Variants in A3GALT2 observed in about 807,000 individuals in gnomAD.
The protein encoded by A3GALT2 is alpha-1,3-galactosyltransferase 2.
Under a neutral mutation model 16.6 loss-of-function variants are expected in A3GALT2, and 14 were observed. The ratio of observed to expected loss-of-function variants is 0.84; its 90% CI spans 0.56 to 1.32. The LOEUF is 1.32. Ranked by LOEUF, A3GALT2 falls within the 40% of genes most tolerant of loss-of-function variation. A3GALT2 has a pLI of 0.00. For synonymous variants in A3GALT2, 253 were observed against 218.0 expected (o/e 1.16, Z -1.42); for missense variants, 600 against 490.9 (o/e 1.22, Z -2.10).
chr1:33,312,601 T>C lies in A3GALT2; in HGVS notation c.108-11A>G. 1.3e-6 allele frequency: 2 copies of C among 1,568,942 alleles called. No homozygotes were observed. Among genetic ancestry groups the C allele is most frequent in the South Asian group, 1.2e-5 (1 of 85,514 alleles). On this transcript the variant is annotated splice_polypyrimidine_tract_variant and intron_variant, in intron 2 of 4. Coordinates refer to ENST00000442999, the MANE Select transcript of A3GALT2 (RefSeq NM_001080438.1). ...AGGGCTTCCAGATGCCTGTGGTGGG[T>C]TGAGGGGCGGGGGGCAGGCAGCCGT...
intron 4 of A3GALT2, among the ~76,000 whole-genome samples, chr1:33,308,654 T>C (rs1646215305): frequency 6.6e-6 from 1 of 150,968 alleles, no homozygotes; most frequent in African/African-American, 2.4e-5. Context: ...GATCCTCCCG[T>C]CTCGGGCCTC....
chr1:33,312,811 AT>A lies in A3GALT2; in HGVS notation c.102del (p.Lys34AsnfsTer22). 6.3e-7 allele frequency: 1 copy of A among 1,599,546 alleles called. No individual in the cohort carries two copies. Among genetic ancestry groups the A allele is most frequent in the Non-Finnish European group, 8.5e-7 (1 of 1,172,936 alleles). ...LLGLFLYGLP[K>X]FRHLEALIPM... is the part of the protein sequence containing the mutation. Reference sequence around the variant, plus strand: ...GCTGGGGAAAGGGGCTTTTACCTGAATTTAGGGAGGCCATACAGAAACAGGC... The same window carrying A: ...GCTGGGGAAAGGGGCTTTTACCTGAATTAGGGAGGCCATACAGAAACAGGC... On this transcript the variant is annotated frameshift_variant, in exon 2 of 5. Transcript: ENST00000442999. LOFTEE classifies it high-confidence loss of function.
Position 33,307,591 on chromosome 1 carries a change from A to ACCCCCACTCCCACCCCACCCTCAC in A3GALT2, c.336-139_336-138insGTGAGGGTGGGGTGGGAGTGGGGG, listed in dbSNP as rs1646202648. On this transcript the variant is annotated intron_variant, in intron 4 of 4. Coordinates refer to ENST00000442999, the MANE Select transcript of A3GALT2 (RefSeq NM_001080438.1). ...TCACCCCCACTCCCACCCCACCCTCACCCCCACCTCATCCCACCCCTCCCA... is the reference window on the plus strand; with the variant it reads ...TCACCCCCACTCCCACCCCACCCTCACCCCCACTCCCACCCCACCCTCACCCCCCACCTCATCCCACCCCTCCCA... 12 of 248,548 alleles carry ACCCCCACTCCCACCCCACCCTCAC rather than the reference A, an allele frequency of 4.8e-5. No homozygotes were observed. In the African/African-American group the frequency reaches 9.6e-4, roughly 20 times the overall value. 15.4% of individuals were successfully genotyped at this position (248,548 alleles called of 1,614,324 possible). A position where few individuals can be genotyped will look rare whatever the true frequency, so the allele number is the denominator to read the frequency against.
intron 3 of A3GALT2, 23 bp from the exon 4 acceptor site, chr1:33,312,212 A>C: frequency 1.9e-6 from 3 of 1,611,900 alleles, no homozygotes; most frequent in Non-Finnish European, 8.5e-7. Context: ...GGGATGGGAA[A>C]TGGAAATAGC....
At chr1:33,318,008 A>G (rs1646269024) in intron 1 of A3GALT2, among the ~76,000 whole-genome samples, 1 of 152,204 alleles carries the variant, frequency 6.6e-6, no homozygotes. Flanking sequence ...GTAGATTTAT[A>G]TGTACTCTCT....
chr1:33,321,047 T>C (rs1646283686), intron 1 of A3GALT2, 29 bp downstream of exon 1: 12 of 1,612,808 alleles, frequency 7.4e-6, no homozygotes, highest in East Asian at 2.2e-5. Flanking sequence ...CCAAGCTTTC[T>C]TCCTCTCCAT....
chr1:33,310,362 G>C (rs1646227926), intron 4 of A3GALT2, among the ~76,000 whole-genome samples: 1 of 152,106 alleles, frequency 6.6e-6, no homozygotes, highest in South Asian at 2.1e-4. Flanking sequence ...GGGAGAGGAA[G>C]ACCGGGGAGA....
At position 33,306,994 on chromosome 1, in the gene A3GALT2, C is replaced by A; in HGVS notation, c.795G>T (p.Leu265=). 1 of 1,461,934 alleles carries A rather than the reference C, an allele frequency of 6.8e-7. No individual in the cohort carries two copies. Among genetic ancestry groups the A allele is most frequent in the Non-Finnish European group, 9.0e-7 (1 of 1,114,078 alleles). 90.6% of individuals were successfully genotyped at this position (1,461,934 alleles called of 1,614,324 possible). ...AAVFGGSVAA[L]RGLTAHCAGG... is the part of the protein sequence containing the mutation. The stretch of plus-strand genomic sequence containing the variant: ...CCGCACAGTGCGCCGTCAGCCCGCG[C>A]AGCGCCGCCACGCTGCCCCCGAACA... The change falls in exon 5 of 5, where the codon CTG becomes CTT. Residue 265 remains leucine (L), a synonymous_variant. Coordinates refer to ENST00000442999, the MANE Select transcript of A3GALT2 (RefSeq NM_001080438.1).
At chr1:33,309,916 G>A (rs1646225179) in intron 4 of A3GALT2, among the ~76,000 whole-genome samples, 3 of 152,262 alleles carry the variant, frequency 2.0e-5, no homozygotes, top group African/African-American at 7.2e-5. Context: ...GCCGGGCAGA[G>A]GCTGCAATCT....
intron 4 of A3GALT2, among the ~76,000 whole-genome samples, chr1:33,308,330 C>T (rs542146894): frequency 6.6e-6 from 1 of 151,888 alleles, no homozygotes; most frequent in South Asian, 2.1e-4. Flanking sequence ...CAGTTGGTCT[C>T]CCAGCTGAGA....
chr1:33,309,470 G>A (rs1188324286), intron 4 of A3GALT2, among the ~76,000 whole-genome samples: 13 of 152,084 alleles, frequency 8.5e-5, no homozygotes, highest in South Asian at 4.1e-4. Context: ...CGGATGGGGC[G>A]GCTGGCCGGG....
At chr1:33,313,294 A>G in intron 1 of A3GALT2, 1 of 139,406 alleles carries the variant, frequency 7.2e-6, no homozygotes, top group Non-Finnish European at 1.4e-5. Context: ...CTATCCTCCC[A>G]CCTCAGCCTC....
rs1279473042 is a variant in A3GALT2 at position 33,307,460 on chromosome 1, G to A, written c.336-7C>T. 1 of 1,488,254 alleles carries A rather than the reference G, an allele frequency of 6.7e-7. No individual in the cohort carries two copies. The highest frequency in any genetic ancestry group is 8.8e-7 in the Non-Finnish European group (1 of 1,129,958). The allele number at this position is 1,488,254 out of a possible 1,614,324, so 92.2% of individuals were successfully genotyped here. On this transcript the variant is annotated splice_region_variant and splice_polypyrimidine_tract_variant and intron_variant, in intron 4 of 4. Transcript: ENST00000442999. ...CAGGTACTTCTCCAGGTATCTAAGG[G>A]CGCGGCGCCACCGTCAGCCTGAGAG... is the stretch of plus-strand genomic sequence containing the variant.
At chr1:33,313,861 G>A (rs1469540254) in intron 1 of A3GALT2, 1 of 152,178 alleles carries the variant, frequency 6.6e-6, no homozygotes, top group Non-Finnish European at 1.5e-5. Context: ...TCCTGCCTTA[G>A]GGCTGTCATT....
At chr1:33,309,530 C>T (rs1646222298) in intron 4 of A3GALT2, among the ~76,000 whole-genome samples, 1 of 151,972 alleles carries the variant, frequency 6.6e-6, no homozygotes, top group African/African-American at 2.4e-5. Flanking sequence ...GGTGGAGACG[C>T]TCCTCACTTC....
intron 3 of A3GALT2, 110 bp downstream of exon 3, chr1:33,312,391 A>C: frequency 7.5e-7 from 1 of 1,324,628 alleles, no homozygotes; most frequent in Non-Finnish European, 1.0e-6. Flanking sequence ...ACTTGGTGGC[A>C]GAGTGCCTGG....
rs1646279026 is a variant in A3GALT2, at chr1:33,320,128, T to A, written c.23+948A>T. Among the ~76,000 whole-genome samples, 1 of 151,940 alleles carries A rather than the reference T, an allele frequency of 6.6e-6. No individual in the cohort carries two copies. The highest frequency in any genetic ancestry group is 1.5e-5 in the Non-Finnish European group (1 of 68,028). ...GGCTTGGCTTCTTCCCTTCGCACTC[T>A]ATTCAGCTCCTGTCTGAGCTCCTGG... On this transcript the variant is annotated intron_variant, in intron 1 of 4. Transcript: ENST00000442999. This position sits in a 1 kb window ranked among gnomAD's most constrained non-coding sequence, Gnocchi z 4.3.
At position 33,312,171 on chromosome 1, in the gene A3GALT2, C is replaced by A; in HGVS notation, c.216G>T (p.Leu72=). Reference sequence around the variant, plus strand: ...TGGGAGCCCCCCAGGGGGTACAGGTCAGAACTTCAGGCCGGGCCCTGGCCA... The same window carrying A: ...TGGGAGCCCCCCAGGGGGTACAGGTAAGAACTTCAGGCCGGGCCCTGGCCA... The part of the protein sequence containing the change: ...ALRPWARPEV[L]TCTPWGAPII... The change falls in exon 4 of 5, where the codon CTG becomes CTT. Residue 72 remains leucine (L), a synonymous_variant. Coordinates refer to ENST00000442999, the MANE Select transcript of A3GALT2 (RefSeq NM_001080438.1). 6.2e-7 allele frequency: 1 copy of A among 1,613,388 alleles called. No homozygotes were observed. The highest frequency in any genetic ancestry group is 1.1e-5 in the South Asian group (1 of 91,032).
intron 4 of A3GALT2, among the ~76,000 whole-genome samples, chr1:33,311,273 C>A (rs1472832960): frequency 6.6e-6 from 1 of 152,174 alleles, no homozygotes; most frequent in Non-Finnish European, 1.5e-5. Flanking sequence ...GCTGCCATTT[C>A]TTCTCTTGAC....
Sources: gnomAD v4.1 joint callset for allele counts (sites outside exome capture counted in the v4.1 genomes callset) on GRCh38, gnomAD v4.1.1 for gene constraint, Gnocchi (gnomAD v3.1) non-coding constraint, MANE v1.5 for transcripts, NCBI Gene and HGNC (gene_info 2026-07-23, HGNC 2026-07-21) for gene names.